The following NCALD variants were observed in gnomAD, a reference collection of about 807,000 sequenced individuals.
NCALD encodes the protein neurocalcin-delta.
NCALD carries 10 observed loss-of-function variants against 18.6 expected under a neutral mutation model. That is an observed-to-expected ratio of 0.54 (90% confidence interval 0.33 to 0.91). The LOEUF (loss-of-function observed/expected upper bound fraction) is 0.91. NCALD is among the 40% of genes least tolerant of loss of function. The pLI is 0.03. For synonymous variants in NCALD, 88 were observed against 87.4 expected, an observed-to-expected ratio of 1.01 and a Z score of -0.04; for missense variants, 184 against 247.6, an observed-to-expected ratio of 0.74 and a Z score of 1.72.
chr8:101,977,032 A>T (rs1192318972), intron 2 of NCALD, among the ~76,000 whole-genome samples: 1 of 152,166 alleles, frequency 6.6e-6, no homozygotes, highest in Non-Finnish European at 1.5e-5. Context: ...TCTCACCATG[A>T]TCTTTTCTGA....
chr8:101,801,811 T>C (rs1199465815), intron 4 of NCALD, among the ~76,000 whole-genome samples: 3 of 151,586 alleles, frequency 2.0e-5, no homozygotes, highest in Non-Finnish European at 4.4e-5. Flanking sequence ...GGACTACAGG[T>C]GCCCGCCACC....
chr8:101,986,965 G>A (rs1820836352), intron 2 of NCALD, among the ~76,000 whole-genome samples: 1 of 152,116 alleles, frequency 6.6e-6, no homozygotes. Flanking sequence ...ATATGCTGGG[G>A]GTCCCCGGAA....
intron 3 of NCALD, among the ~76,000 whole-genome samples, chr8:101,909,415 G>A (rs1225331794): frequency 6.6e-6 from 1 of 152,116 alleles, no homozygotes; most frequent in Non-Finnish European, 1.5e-5. Flanking sequence ...CTCCTGTGAA[G>A]CCCTTCAGCC....
chr8:101,802,899 CAAAAA>C (rs34519871), intron 4 of NCALD, among the ~76,000 whole-genome samples: 2 of 99,608 alleles, frequency 2.0e-5, no homozygotes, highest in African/African-American at 8.1e-5. Flanking sequence ...TGCTGCTGCT[CAAAAA>C]AAAAAAAAAA....
At chr8:101,963,673 T>C (rs1033965353) in intron 2 of NCALD, among the ~76,000 whole-genome samples, 6 of 152,322 alleles carry the variant, frequency 3.9e-5, no homozygotes, top group African/African-American at 1.4e-4. Flanking sequence ...ATCCAATTTT[T>C]ATACCTACAA....
chr8:102,058,221 A>C (rs1042914293), intron 1 of NCALD, among the ~76,000 whole-genome samples: 4 of 152,244 alleles, frequency 2.6e-5, no homozygotes, highest in African/African-American at 4.8e-5. Flanking sequence ...CACTGTGTCC[A>C]TCCTGAATGC....
In NCALD at chr8:101,831,056, G is replaced by C. The variant is rs142918011; in HGVS notation, c.-20+56085C>G. Among the ~76,000 whole-genome samples the C allele has an allele frequency of 2.6e-3, 393 of 152,130 alleles. 1 individual carries two copies. Among genetic ancestry groups the C allele is most frequent in the Non-Finnish European group, 4.8e-3 (327 of 67,988 alleles). On this transcript the variant is annotated intron_variant, in intron 4 of 6. Transcript: ENST00000311028. ...CTGGCTTGAGTGTACATGATGTGGG[G>C]CTGTCTGACATAAAACAGACACGAT...
At chr8:101,926,367 T>C (rs1239071794) in intron 2 of NCALD, among the ~76,000 whole-genome samples, 1 of 152,178 alleles carries the variant, frequency 6.6e-6, no homozygotes, top group African/African-American at 2.4e-5. Flanking sequence ...TTATTTCTGT[T>C]GATTACATGC....
At chr8:102,008,698 A>T (rs551781709) in intron 2 of NCALD, among the ~76,000 whole-genome samples, 2 of 151,960 alleles carry the variant, frequency 1.3e-5, no homozygotes, top group South Asian at 4.2e-4. Context: ...CCAATTAACT[A>T]CCCCAGACCA....
chr8:101,902,352 G>A (rs562332591), intron 3 of NCALD, among the ~76,000 whole-genome samples: 1 of 151,080 alleles, frequency 6.6e-6, no homozygotes, highest in East Asian at 1.9e-4. Context: ...CAAAAAGGAA[G>A]CCAATACGTT....
At chr8:101,934,841 A>G (rs1818702439) in intron 2 of NCALD, among the ~76,000 whole-genome samples, 1 of 152,170 alleles carries the variant, frequency 6.6e-6, no homozygotes, top group Non-Finnish European at 1.5e-5. Context: ...AGCTGCCACT[A>G]AAAAGAAGAG....
chr8:101,864,356 C>T (rs1045466640), intron 4 of NCALD, among the ~76,000 whole-genome samples: 1 of 152,130 alleles, frequency 6.6e-6, no homozygotes, highest in Non-Finnish European at 1.5e-5. Context: ...GCACACAGTG[C>T]ATGTGAGTGA....
chr8:101,731,102 AGG>A lies in NCALD; in HGVS notation c.-19-11456_-19-11455del, dbSNP rs1816810790. On this transcript the variant is annotated intron_variant, in intron 1 of 3. Coordinates refer to ENST00000220931, the MANE Select transcript of NCALD (RefSeq NM_032041.3). ...GAGGAAGTGAGGCAGGGCACCATGG[AGG>A]TAAGTGTGAGAAGACTCTTTCAGGA... 2.0e-5 allele frequency among the ~76,000 whole-genome samples: 3 copies of A among 152,070 alleles called. No individual in the cohort carries two copies. The South Asian group carries it at 6.2e-4, about 32-fold the overall frequency.
At chr8:101,861,704 C>T (rs919361559) in intron 4 of NCALD, among the ~76,000 whole-genome samples, 2 of 152,046 alleles carry the variant, frequency 1.3e-5, no homozygotes, top group Non-Finnish European at 2.9e-5. Flanking sequence ...AAAAGATAAC[C>T]TTAGGTTTCT....
At position 101,845,146 on chromosome 8, in the gene NCALD, C is replaced by T. The variant is rs377452912; in HGVS notation, c.-20+41995G>A. On this transcript the variant is annotated intron_variant, in intron 4 of 6. Transcript: ENST00000311028. ...CCACTCGAAGGAGTCAGTCTATGAA[C>T]GATTTGTTTCTTGTTGTGCACTAAT... 9.9e-5 allele frequency among the ~76,000 whole-genome samples: 15 copies of T among 152,282 alleles called. No homozygotes were observed. In the East Asian group the frequency reaches 2.1e-3, roughly 22 times the overall value.
At chr8:101,882,890 T>C (rs971972672) in intron 4 of NCALD, among the ~76,000 whole-genome samples, 1 of 152,228 alleles carries the variant, frequency 6.6e-6, no homozygotes, top group Non-Finnish European at 1.5e-5. Context: ...TGTATTGTTT[T>C]CTGTGTTGTA....
chr8:101,901,474 T>C (rs1255305549), intron 3 of NCALD, among the ~76,000 whole-genome samples: 1 of 152,114 alleles, frequency 6.6e-6, no homozygotes, highest in Non-Finnish European at 1.5e-5. Flanking sequence ...TTTAGGACTT[T>C]TTAAGAATTC....
chr8:102,024,271 A>C (rs1822380042), intron 1 of NCALD, among the ~76,000 whole-genome samples: 1 of 152,252 alleles, frequency 6.6e-6, no homozygotes, highest in Non-Finnish European at 1.5e-5. Flanking sequence ...GCCTGTCATG[A>C]GTAATTCCGA....
At chr8:101,851,547 A>G (rs903612634) in intron 4 of NCALD, among the ~76,000 whole-genome samples, 4 of 152,194 alleles carry the variant, frequency 2.6e-5, no homozygotes, top group Admixed American at 2.6e-4. Flanking sequence ...AAAATAAATG[A>G]TGGCAACACA....
Sources: allele counts gnomAD v4.1 joint callset (sites outside exome capture counted in the v4.1 genomes callset), GRCh38; gene constraint gnomAD v4.1.1; transcripts MANE v1.5; gene names NCBI Gene and HGNC (gene_info 2026-07-23, HGNC 2026-07-21).